PCDH15: variants seen among roughly 807,000 people sequenced by gnomAD.
The protein encoded by PCDH15 is protocadherin-15.
Under a neutral mutation model 178.5 loss-of-function variants are expected in PCDH15, and 129 were observed. The ratio of observed to expected loss-of-function variants is 0.72; its 90% CI spans 0.63 to 0.84. The LOEUF is 0.84. Ranked by LOEUF, PCDH15 falls within the 40% of genes least tolerant of loss-of-function variation. The probability of loss-of-function intolerance (pLI) is 0.00; values close to 1 mark genes in which losing one functional copy is unlikely to be tolerated. For synonymous variants in PCDH15, 800 were observed against 732.0 expected (o/e 1.09, Z -1.50); for missense variants, 2,230 against 2,099.9 (o/e 1.06, Z -1.21).
intron 1 of PCDH15, among the ~76,000 whole-genome samples, chr10:55,204,287 A>C (rs1385156397): frequency 6.6e-6 from 1 of 150,510 alleles, no homozygotes; most frequent in African/African-American, 2.4e-5. Flanking sequence ...AATGTATTGA[A>C]TTTTATGTAT....
intron 1 of PCDH15, among the ~76,000 whole-genome samples, chr10:54,766,354 A>T (rs1025726977): frequency 1.3e-5 from 2 of 152,162 alleles, no homozygotes; most frequent in African/African-American, 4.8e-5. Context: ...ACACTTTTAC[A>T]TTAAAGAGTT....
chr10:54,581,531 T>C (rs2091038043), intron 2 of PCDH15, among the ~76,000 whole-genome samples: 1 of 152,078 alleles, frequency 6.6e-6, no homozygotes, highest in African/African-American at 2.4e-5. Context: ...TTCAATGCTA[T>C]TCCTGTAAAA....
At chr10:54,743,566 C>T (rs558887543) in intron 1 of PCDH15, among the ~76,000 whole-genome samples, 2 of 151,878 alleles carry the variant, frequency 1.3e-5, no homozygotes, top group Admixed American at 6.6e-5. Flanking sequence ...TAAGCTTATA[C>T]GAATACACTA....
At chr10:55,086,635 A>T (rs919981803) in intron 2 of PCDH15, among the ~76,000 whole-genome samples, 2 of 152,070 alleles carry the variant, frequency 1.3e-5, no homozygotes, top group Non-Finnish European at 2.9e-5. Context: ...TCACAGAACC[A>T]GCAGACTTTT....
intron 2 of PCDH15, among the ~76,000 whole-genome samples, chr10:55,414,770 GGT>G (rs71014486): frequency 0.25 from 37,144 of 146,710 alleles, 4,950 homozygotes; most frequent in East Asian, 0.56. Flanking sequence ...TCTAACAAGG[GGT>G]GTGTGTGTGT....
intron 2 of PCDH15, among the ~76,000 whole-genome samples, chr10:55,548,773 A>C (rs1245376116): frequency 6.6e-6 from 1 of 152,116 alleles, no homozygotes; most frequent in Non-Finnish European, 1.5e-5. Flanking sequence ...GGGAAGTGAA[A>C]GGAGGAGAGA....
At chr10:55,095,305 C>T (rs1038804950) in intron 2 of PCDH15, among the ~76,000 whole-genome samples, 2 of 151,778 alleles carry the variant, frequency 1.3e-5, no homozygotes, top group South Asian at 2.1e-4. Context: ...TTTATTTAAA[C>T]ATACTTATCT....
At chr10:54,158,334 G>A (rs568367662) in intron 13 of PCDH15, among the ~76,000 whole-genome samples, 10 of 152,238 alleles carry the variant, frequency 6.6e-5, no homozygotes, top group South Asian at 2.1e-4. Flanking sequence ...GAGAGCTTGC[G>A]CAGGGAAACT....
chr10:54,895,674 G>C (rs1396631836), intron 3 of PCDH15, among the ~76,000 whole-genome samples: 1 of 151,928 alleles, frequency 6.6e-6, no homozygotes, highest in Non-Finnish European at 1.5e-5. Context: ...GTTTAATTTG[G>C]GATATTTTTA....
intron 2 of PCDH15, among the ~76,000 whole-genome samples, chr10:55,096,137 G>T (rs1350647332): frequency 6.6e-6 from 1 of 151,982 alleles, no homozygotes; most frequent in Non-Finnish European, 1.5e-5. Flanking sequence ...AGTCAACTAT[G>T]TTCAATGCAC....
At chr10:54,549,886 T>A (rs984750230) in intron 2 of PCDH15, among the ~76,000 whole-genome samples, 1 of 152,086 alleles carries the variant, frequency 6.6e-6, no homozygotes, top group African/African-American at 2.4e-5. Flanking sequence ...TTGCTACATC[T>A]TCTTAGTAAA....
At chr10:55,021,103 AC>A (rs1209586079) in intron 2 of PCDH15, among the ~76,000 whole-genome samples, 1 of 152,182 alleles carries the variant, frequency 6.6e-6, no homozygotes, top group East Asian at 1.9e-4. Flanking sequence ...TGTGTTCTTA[AC>A]TTCGGCAAAT....
chr10:55,439,486 G>A (rs1015062989), intron 2 of PCDH15, among the ~76,000 whole-genome samples: 8 of 152,086 alleles, frequency 5.3e-5, no homozygotes. Context: ...GAAAAAAAAT[G>A]AGCAAAAAAT....
rs1220020133 is a variant in PCDH15 at position 54,664,292 on chromosome 10, T to G, written c.-28-2A>C. On this transcript the variant is annotated splice_acceptor_variant, in intron 1 of 37. Transcript: ENST00000644397. LOFTEE classifies it low-confidence loss of function (5UTR_SPLICE). Reference sequence around the variant, plus strand: ...TGTCAAAGTTCACTCAAAGCTGATCTGAAATAAGAAAAGGTAGAAAGAAAC... The same window carrying G: ...TGTCAAAGTTCACTCAAAGCTGATCGGAAATAAGAAAAGGTAGAAAGAAAC... 1.9e-6 allele frequency: 3 copies of G among 1,547,712 alleles called. No individual in the cohort carries two copies. Among genetic ancestry groups the G allele is most frequent in the Non-Finnish European group, 2.7e-6 (3 of 1,123,386 alleles).
chr10:54,617,938 G>T (rs1020148444), intron 2 of PCDH15, among the ~76,000 whole-genome samples: 4 of 144,958 alleles, frequency 2.8e-5, no homozygotes, highest in African/African-American at 1.0e-4. Flanking sequence ...AAAAAAAAAA[G>T]AAGAAGAGTA....
intron 25 of PCDH15, among the ~76,000 whole-genome samples, chr10:53,921,001 AAG>A (rs991083816): frequency 3.3e-5 from 5 of 152,162 alleles, no homozygotes; most frequent in African/African-American, 1.2e-4. Flanking sequence ...CAAATTTTAG[AAG>A]TAATATAAGT....
intron 3 of PCDH15, among the ~76,000 whole-genome samples, chr10:54,807,039 C>T (rs1451697921): frequency 6.6e-6 from 1 of 152,154 alleles, no homozygotes; most frequent in Non-Finnish European, 1.5e-5. Context: ...ATGATTTCCT[C>T]CTGCACTCAG....
chr10:55,020,674 C>T lies in PCDH15; in HGVS notation c.-79-123174G>A, dbSNP rs114129641. On this transcript the variant is annotated intron_variant, in intron 2 of 5. Transcript: ENST00000458638. The stretch of plus-strand genomic sequence containing the variant: ...GAACTGGGTCACACAAATCTGCATT[C>T]GCCTTTTCGTTCCTAAATAAGATGG... Among the ~76,000 whole-genome samples, 989 of 152,228 alleles carry T rather than the reference C, an allele frequency of 6.5e-3. 12 individuals are homozygous for T. Among genetic ancestry groups the T allele is most frequent in the African/African-American group, 0.023 (948 of 41,540 alleles).
chr10:53,968,063 C>G (rs1005915388), intron 21 of PCDH15, among the ~76,000 whole-genome samples: 1 of 152,082 alleles, frequency 6.6e-6, no homozygotes, highest in African/African-American at 2.4e-5. Flanking sequence ...CATTGCCTCA[C>G]CTGGGAAGCA....
Sources: gnomAD v4.1 joint callset for allele counts (sites outside exome capture counted in the v4.1 genomes callset) on GRCh38, gnomAD v4.1.1 for gene constraint, MANE v1.5 for transcripts, NCBI Gene and HGNC (gene_info 2026-07-23, HGNC 2026-07-21) for gene names.